Variants in KCNT1 observed in about 807,000 individuals in gnomAD.
The protein encoded by KCNT1 is potassium channel subfamily T member 1.
A neutral mutation model predicts 147.8 loss-of-function variants in KCNT1; 78 were observed. The ratio of observed to expected loss-of-function variants is 0.53; its 90% CI spans 0.44 to 0.64. The LOEUF is 0.64. KCNT1 is among the 30% of genes least tolerant of loss of function. The pLI is 0.00. For missense variants in KCNT1, 1,419 were observed against 1,750.3 expected (o/e 0.81, Z 3.38); for synonymous variants, 867 against 748.8 (o/e 1.16, Z -2.58).
chr9:135,723,915 C>G (rs534066091), intron 2 of KCNT1, among the ~76,000 whole-genome samples: 1 of 152,232 alleles, frequency 6.6e-6, no homozygotes, highest in Non-Finnish European at 1.5e-5. Context: ...CAGCCCCGTC[C>G]CAGACCAGTG....
chr9:135,727,370 T>C (rs111274095), intron 2 of KCNT1, among the ~76,000 whole-genome samples: 96 of 123,228 alleles, frequency 7.8e-4, no homozygotes, highest in African/African-American at 2.9e-3. Flanking sequence ...TCTCTCTCTC[T>C]CCCTCTCCCT....
chr9:135,715,064 G>A (rs983186242), intron 2 of KCNT1, among the ~76,000 whole-genome samples: 1 of 152,220 alleles, frequency 6.6e-6, no homozygotes, highest in African/African-American at 2.4e-5. Flanking sequence ...AGCCAGGGCC[G>A]GAAGCGCCCC....
Position 135,723,604 on chromosome 9 carries a change from G to C in KCNT1, c.254+8884G>C, listed in dbSNP as rs541854173. Among the ~76,000 whole-genome samples the C allele has an allele frequency of 2.0e-5, 3 of 152,324 alleles. No individual in the cohort carries two copies. The South Asian group carries it at 6.2e-4, about 32-fold the overall frequency. On this transcript the variant is annotated intron_variant, in intron 2 of 30. Coordinates refer to ENST00000371757, the MANE Select transcript of KCNT1 (RefSeq NM_020822.3). ...TGGCCATGTCTACACGGGGCCTGCT[G>C]CCTCCAGAGGGACCCTGGGGCTTGG...
chr9:135,738,404 T>C (rs531272833), intron 2 of KCNT1, among the ~76,000 whole-genome samples: 2 of 152,328 alleles, frequency 1.3e-5, no homozygotes, highest in Admixed American at 6.5e-5. Flanking sequence ...GGCAGGCTCC[T>C]GAGCAGAGGA....
At chr9:135,771,682 G>A (rs1026686719) in intron 18 of KCNT1, among the ~76,000 whole-genome samples, 2 of 152,194 alleles carry the variant, frequency 1.3e-5, no homozygotes, top group East Asian at 1.9e-4. Context: ...GGATCCTCCC[G>A]GGGAGCCGCT....
In KCNT1 at chr9:135,730,759, G is replaced by A. The variant is rs1179722995; in HGVS notation, c.254+16039G>A. ...TCAGCACTTTGGGAGGCCAAGGCAG[G>A]CAGATCTCTCGAGCTCAGGAGTTCC... On this transcript the variant is annotated intron_variant, in intron 2 of 30. Coordinates refer to ENST00000371757, the MANE Select transcript of KCNT1 (RefSeq NM_020822.3). This position sits in a 1 kb window ranked among gnomAD's most constrained non-coding sequence, Gnocchi z 4.7. Among the ~76,000 whole-genome samples, 3 of 152,062 alleles carry A rather than the reference G, an allele frequency of 2.0e-5. No homozygotes were observed. Among genetic ancestry groups the A allele is most frequent in the Admixed American group, 2.0e-4 (3 of 15,268 alleles).
At chr9:135,774,312 CTG>C (rs1832977617) in intron 19 of KCNT1, among the ~76,000 whole-genome samples, 1 of 114,210 alleles carries the variant, frequency 8.8e-6, no homozygotes, top group Non-Finnish European at 1.8e-5. Context: ...TGTCTGTGTG[CTG>C]TGTGTTGTGT....
intron 2 of KCNT1, among the ~76,000 whole-genome samples, chr9:135,735,973 G>A (rs558180638): frequency 4.6e-5 from 7 of 152,344 alleles, no homozygotes; most frequent in South Asian, 2.1e-4. Context: ...TGAGATGTGC[G>A]GGCCCAGCCA....
Position 135,777,405 on chromosome 9 carries a change from C to G in KCNT1, c.2417C>G (p.Ser806Trp). ...TTCAAGAACAAGCTGATCATCGTCT[C>G]GGCAGAGACGGCCGGCAATGGGCTG... Reference protein sequence around the residue: ...YGFKNKLIIVSAETAGNGLYN... With the variant: ...YGFKNKLIIVWAETAGNGLYN... The change falls in exon 21 of 31, where the codon TCG becomes TGG. Residue 806 changes from serine to tryptophan, a missense_variant. Around this residue, in one of 5 missense-constraint regions of KCNT1, gnomAD observed 247 missense variants for 397.1 expected, o/e 0.62. Transcript: ENST00000371757. 1 of 1,614,074 alleles carries G rather than the reference C, an allele frequency of 6.2e-7. No homozygotes were observed. Among genetic ancestry groups the G allele is most frequent in the Admixed American group, 1.7e-5 (1 of 60,018 alleles).
intron 18 of KCNT1, 80 bp from the exon 19 acceptor site, chr9:135,772,635 G>T: frequency 7.5e-6 from 8 of 1,070,824 alleles, no homozygotes; most frequent in Non-Finnish European, 1.0e-5. Context: ...AGAGCTGACT[G>T]TGTTCACCTG....
chr9:135,773,445 C>A (rs991263331), intron 19 of KCNT1, among the ~76,000 whole-genome samples: 9 of 152,242 alleles, frequency 5.9e-5, no homozygotes, highest in African/African-American at 2.2e-4. Context: ...GCCCGCCTGA[C>A]CAGGGGTGGG....
chr9:135,766,210 A>C (rs973807164), intron 13 of KCNT1, among the ~76,000 whole-genome samples: 12 of 150,156 alleles, frequency 8.0e-5, no homozygotes, highest in Non-Finnish European at 1.6e-4. Context: ...GGGACCATCC[A>C]GGGTGGGTCA....
chr9:135,752,208 C>A lies in KCNT1; in HGVS notation c.434+1167C>A. 1 of 375,860 alleles carries A rather than the reference C, an allele frequency of 2.7e-6. No homozygotes were observed. The highest frequency in any genetic ancestry group is 2.0e-5 in the South Asian group (1 of 49,760). 23.3% of individuals were successfully genotyped at this position (375,860 alleles called of 1,614,324 possible). A position where few individuals can be genotyped will look rare whatever the true frequency, so the allele number is the denominator to read the frequency against. ...TCTGGCTGCGCAGAGCAGGTTCTTC[C>A]CTGGAGAGAAGGCCTGACTGCCGGG... On this transcript the variant is annotated intron_variant, in intron 4 of 30. Coordinates refer to ENST00000371757, the MANE Select transcript of KCNT1 (RefSeq NM_020822.3). This position sits in a 1 kb window ranked among gnomAD's most constrained non-coding sequence, Gnocchi z 5.1.
intron 26 of KCNT1, 51 bp from the exon 27 acceptor site, chr9:135,784,710 G>T: frequency 6.2e-7 from 1 of 1,609,108 alleles, no homozygotes; most frequent in Non-Finnish European, 8.5e-7. Flanking sequence ...TGGCCAGGAG[G>T]CTCTGGGTGC....
intron 16 of KCNT1, 75 bp from the exon 17 acceptor site, chr9:135,770,223 C>T: frequency 6.6e-7 from 1 of 1,517,316 alleles, no homozygotes; most frequent in East Asian, 2.3e-5. Flanking sequence ...GAGGGGGGCA[C>T]CTGCAGACCC....
chr9:135,735,832 C>T lies in KCNT1; in HGVS notation c.255-14266C>T, dbSNP rs375957209. On this transcript the variant is annotated intron_variant, in intron 2 of 30. Transcript: ENST00000371757. The stretch of plus-strand genomic sequence containing the variant: ...GCATCTGACAGCCTCCTGCCTCTAC[C>T]GAGCTGGCTTCGGGGCAGCTGGGCC... Among the ~76,000 whole-genome samples the T allele has an allele frequency of 6.3e-4, 96 of 152,354 alleles. No individual in the cohort carries two copies. The South Asian group carries it at 0.018, about 28-fold the overall frequency.
In KCNT1 at chr9:135,714,579, G is replaced by T; in HGVS notation, c.113G>T (p.Arg38Leu). 7.6e-7 allele frequency: 1 copy of T among 1,324,344 alleles called. No homozygotes were observed. Among genetic ancestry groups the T allele is most frequent in the Non-Finnish European group, 9.8e-7 (1 of 1,022,100 alleles). The allele number at this position is 1,324,344 out of a possible 1,614,324, so 82.0% of individuals were successfully genotyped here. Residue 38 changes from arginine to leucine, a missense_variant and splice_region_variant, in exon 2 of 31, where the codon CGG (arginine) becomes CTG (leucine). Transcript: ENST00000371757. This position sits in a 1 kb window ranked among gnomAD's most constrained non-coding sequence, Gnocchi z 6.2. ...EFDDGQCAPR[R>L]PCAGDGALLD... ...GGGGCGCTGGCGTGTGCCCGCAGGC[G>T]GCCCTGCGCGGGGGACGGCGCGCTC...
chr9:135,786,214 CG>C lies in KCNT1; in HGVS notation c.3196del (p.Val1066TrpfsTer10). On this transcript the variant is annotated frameshift_variant, in exon 29 of 31. Transcript: ENST00000371757. LOFTEE classifies it high-confidence loss of function. ...LRAQSQISVN[V>X]EDCEDTREVK... ...CTGCCCAGTCCCAGATCTCGGTGAA[CG>C]TGGAGGACTGTGAGGACACACGGGA... 6.2e-7 allele frequency: 1 copy of C among 1,609,800 alleles called. No individual in the cohort carries two copies. The highest frequency in any genetic ancestry group is 8.5e-7 in the Non-Finnish European group (1 of 1,178,332).
rs1476946245 is a variant in KCNT1, at chr9:135,792,871, G to T, written c.*710G>T. 6.6e-6 allele frequency: 1 copy of T among 152,154 alleles called. No homozygotes were observed. Among genetic ancestry groups the T allele is most frequent in the Non-Finnish European group, 1.5e-5 (1 of 68,034 alleles). 9.4% of individuals were successfully genotyped at this position (152,154 alleles called of 1,614,324 possible). A position where few individuals can be genotyped will look rare whatever the true frequency, so the allele number is the denominator to read the frequency against. Reference sequence around the variant, plus strand: ...GAACTGTCCCAGCCACTGCATCTAGGGGGCATTGGGCGGAAGATGGTGCAT... The same window carrying T: ...GAACTGTCCCAGCCACTGCATCTAGTGGGCATTGGGCGGAAGATGGTGCAT... On this transcript the variant is annotated 3_prime_UTR_variant, in exon 31 of 31. Coordinates refer to ENST00000371757, the MANE Select transcript of KCNT1 (RefSeq NM_020822.3).
Sources: allele counts gnomAD v4.1 joint callset (sites outside exome capture counted in the v4.1 genomes callset), GRCh38; gene constraint gnomAD v4.1.1; regional missense constraint gnomAD v4.1.1; non-coding constraint Gnocchi (gnomAD v3.1); transcripts MANE v1.5; gene names NCBI Gene and HGNC (gene_info 2026-07-23, HGNC 2026-07-21).